Variants in PPP1R13B observed in about 807,000 individuals in gnomAD.
The protein encoded by PPP1R13B is protein phosphatase 1 regulatory subunit 13B.
Under a neutral mutation model 119.8 loss-of-function variants are expected in PPP1R13B, and 44 were observed. The ratio of observed to expected loss-of-function variants is 0.37; its 90% CI spans 0.29 to 0.47. PPP1R13B has a LOEUF of 0.47. Ranked by LOEUF, PPP1R13B falls within the 20% of genes least tolerant of loss-of-function variation. The probability of loss-of-function intolerance (pLI) is 0.99; values close to 1 mark genes in which losing one functional copy is unlikely to be tolerated. For missense variants in PPP1R13B, 1,227 were observed against 1,413.5 expected, an observed-to-expected ratio of 0.87 and a Z score of 2.12; for synonymous variants, 542 against 561.5, an observed-to-expected ratio of 0.97 and a Z score of 0.49.
intron 7 of PPP1R13B, among the ~76,000 whole-genome samples, chr14:103,751,693 C>T (rs1321585004): frequency 4.6e-5 from 7 of 152,152 alleles, no homozygotes; most frequent in African/African-American, 9.7e-5. Context: ...CTCTCCACTA[C>T]GTGGGGACAC....
intron 1 of PPP1R13B, chr14:103,846,769 A>T (rs1330696051): frequency 4.4e-6 from 2 of 456,794 alleles, no homozygotes; most frequent in Admixed American, 4.7e-5. Flanking sequence ...TTAAAGCAAA[A>T]CGAACCAACA....
chr14:103,826,211 T>A (rs2086537504), intron 1 of PPP1R13B, among the ~76,000 whole-genome samples: 1 of 152,094 alleles, frequency 6.6e-6, no homozygotes, highest in Non-Finnish European at 1.5e-5. Flanking sequence ...AACCAAAAAA[T>A]TTGTGTGACT....
chr14:103,766,044 T>C (rs2084932044), intron 4 of PPP1R13B, among the ~76,000 whole-genome samples: 1 of 150,130 alleles, frequency 6.7e-6, no homozygotes. Flanking sequence ...AGTCTAGCTC[T>C]GTCGCCCAGG....
intron 1 of PPP1R13B, among the ~76,000 whole-genome samples, chr14:103,828,067 T>C (rs1345775132): frequency 6.6e-6 from 1 of 151,974 alleles, no homozygotes; most frequent in Non-Finnish European, 1.5e-5. Flanking sequence ...TGGCAAGACA[T>C]GGCAGTATAA....
chr14:103,749,666 T>C (rs1222291723), intron 8 of PPP1R13B, 128 bp downstream of exon 8: 2 of 950,942 alleles, frequency 2.1e-6, no homozygotes, highest in East Asian at 2.6e-5. Flanking sequence ...TCATTTTTGA[T>C]GGTTTATGGC....
intron 2 of PPP1R13B, among the ~76,000 whole-genome samples, chr14:103,787,816 G>C (rs1008945593): frequency 6.6e-6 from 1 of 151,692 alleles, no homozygotes; most frequent in Admixed American, 6.6e-5. Flanking sequence ...ACCTACGCCC[G>C]GCTAATTTTA....
chr14:103,780,256 C>A (rs1055921138), intron 3 of PPP1R13B, among the ~76,000 whole-genome samples: 1 of 151,716 alleles, frequency 6.6e-6, no homozygotes, highest in African/African-American at 2.4e-5. Context: ...GAGGCCAAGG[C>A]AGGAGGATCA....
At chr14:103,847,187 C>T in intron 1 of PPP1R13B, 112 bp downstream of exon 1, 1 of 1,020,406 alleles carries the variant, frequency 9.8e-7, no homozygotes, top group Non-Finnish European at 1.2e-6. Context: ...CTTCCTTCCC[C>T]GCCCGCCCGG....
chr14:103,781,698 C>G (rs527682759), intron 3 of PPP1R13B, among the ~76,000 whole-genome samples: 4 of 152,278 alleles, frequency 2.6e-5, no homozygotes, highest in African/African-American at 9.6e-5. Flanking sequence ...GTCGCCCAGG[C>G]TGGAGTGTAG....
intron 3 of PPP1R13B, among the ~76,000 whole-genome samples, chr14:103,784,097 A>T (rs1000578905): frequency 6.6e-6 from 1 of 152,228 alleles, no homozygotes; most frequent in Admixed American, 6.5e-5. Flanking sequence ...AATCGCTTGC[A>T]CCCAGGAGGC....
chr14:103,807,488 T>C (rs1412097951), intron 1 of PPP1R13B, among the ~76,000 whole-genome samples: 2 of 152,140 alleles, frequency 1.3e-5, no homozygotes, highest in Non-Finnish European at 2.9e-5. Context: ...CTCCCCCAAT[T>C]ATACGTAAAA....
At chr14:103,834,334 C>A (rs1389657545) in intron 1 of PPP1R13B, among the ~76,000 whole-genome samples, 1 of 152,142 alleles carries the variant, frequency 6.6e-6, no homozygotes, top group East Asian at 1.9e-4. Flanking sequence ...CAAGATCATG[C>A]CAGTGCACTC....
At chr14:103,781,994 T>A (rs2085348343) in intron 3 of PPP1R13B, among the ~76,000 whole-genome samples, 1 of 152,236 alleles carries the variant, frequency 6.6e-6, no homozygotes, top group South Asian at 2.1e-4. Flanking sequence ...TCAAAAAAAT[T>A]TCCTTATTTT....
rs11286571 is a variant in PPP1R13B at position 103,759,329 on chromosome 14, A to ATT, written c.355-1580_355-1579dup. 8.7e-3 allele frequency: 1,127 copies of ATT among 129,530 alleles called. 20 individuals carry two copies. Among genetic ancestry groups the ATT allele is most frequent in the African/African-American group, 0.03 (1,072 of 35,524 alleles). The allele number at this position is 129,530 out of a possible 1,614,324, so 8.0% of individuals were successfully genotyped here. A position where few individuals can be genotyped will look rare whatever the true frequency, so the allele number is the denominator to read the frequency against. On this transcript the variant is annotated intron_variant, in intron 4 of 16. Transcript: ENST00000202556. Reference sequence around the variant, plus strand: ...TCCTGAAAAAGCAATACGGTACAAGATTTTTTTTTTTTTTTTTTTTAATTT... The same window carrying ATT: ...TCCTGAAAAAGCAATACGGTACAAGATTTTTTTTTTTTTTTTTTTTTTAATTT...
At chr14:103,772,536 G>A (rs2085096016) in intron 4 of PPP1R13B, among the ~76,000 whole-genome samples, 1 of 152,184 alleles carries the variant, frequency 6.6e-6, no homozygotes, top group Non-Finnish European at 1.5e-5. Flanking sequence ...TCTAATAGGT[G>A]TGTAATGCCA....
intron 2 of PPP1R13B, among the ~76,000 whole-genome samples, chr14:103,795,501 C>A (rs1774467957): frequency 6.6e-6 from 1 of 152,060 alleles, no homozygotes; most frequent in Admixed American, 6.6e-5. Context: ...AAGGATGGCA[C>A]CAACCGAGTG....
At chr14:103,803,590 C>A (rs2085950807) in intron 1 of PPP1R13B, among the ~76,000 whole-genome samples, 1 of 152,012 alleles carries the variant, frequency 6.6e-6, no homozygotes, top group Non-Finnish European at 1.5e-5. Context: ...TTGCAGGGAG[C>A]CGAGATAGCA....
Position 103,784,904 on chromosome 14 carries a change from T to A in PPP1R13B, c.168A>T (p.Ile56=). 1 of 1,572,820 alleles carries A rather than the reference T, an allele frequency of 6.4e-7. No individual in the cohort carries two copies. The highest frequency in any genetic ancestry group is 8.7e-7 in the Non-Finnish European group (1 of 1,148,992). Reference sequence around the variant, plus strand: ...GTTCGTACATCATATGATCAAAGGGTATGGGACGTTCTAGGAAAAAGACCA... The same window carrying A: ...GTTCGTACATCATATGATCAAAGGGAATGGGACGTTCTAGGAAAAAGACCA... ...AEVWRGNERP[I]PFDHMMYEHL... The change falls in exon 3 of 17, where the codon ATA becomes ATT. Residue 56 remains isoleucine (I), a synonymous_variant. Coordinates refer to ENST00000202556, the MANE Select transcript of PPP1R13B (RefSeq NM_015316.3).
At chr14:103,750,058 C>T in intron 7 of PPP1R13B, 124 bp from the exon 8 acceptor site, 1 of 988,476 alleles carries the variant, frequency 1.0e-6, no homozygotes, top group Non-Finnish European at 1.5e-6. Flanking sequence ...GCATGCACTG[C>T]CACCTTGTGT....
Sources: allele counts gnomAD v4.1 joint callset (sites outside exome capture counted in the v4.1 genomes callset), GRCh38; gene constraint gnomAD v4.1.1; transcripts MANE v1.5; gene names NCBI Gene and HGNC (gene_info 2026-07-23, HGNC 2026-07-21).